The following EDN1 variants were observed in gnomAD, a reference collection of about 807,000 sequenced individuals.
EDN1 encodes the protein endothelin-1.
In EDN1, 11 loss-of-function variants were observed where a neutral mutation model predicts 21.7. That is an observed-to-expected ratio of 0.51 (90% CI 0.32 to 0.84). The LOEUF (loss-of-function observed/expected upper bound fraction) is 0.84, where lower values mean the gene tolerates loss of function less well. Ranked by LOEUF, EDN1 falls within the 40% of genes least tolerant of loss-of-function variation. The pLI is 0.03. For synonymous variants in EDN1, 85 were observed against 90.6 expected (o/e 0.94, Z 0.35); for missense variants, 244 against 262.3 (o/e 0.93, Z 0.48).
chr6:12,244,683 T>C, the EDN1 span, among the ~76,000 whole-genome samples: 1 of 152,230 alleles, frequency 6.6e-6, no homozygotes, highest in African/African-American at 2.4e-5. Context: ...GAGTATACTG[T>C]AAGTGCTTCA....
the EDN1 span, among the ~76,000 whole-genome samples, chr6:12,278,514 G>A: frequency 1.3e-5 from 2 of 152,240 alleles, no homozygotes; most frequent in South Asian, 4.2e-4. Flanking sequence ...TTCTTAGTCT[G>A]AGCCATATAT....
At chr6:12,253,617 A>G in the EDN1 span, among the ~76,000 whole-genome samples, 4 of 152,238 alleles carry the variant, frequency 2.6e-5, no homozygotes, top group Non-Finnish European at 5.9e-5. Context: ...CACAAAATGT[A>G]GGGTAGAAAA....
At chr6:12,291,127 T>A (rs1381730614) in intron 1 of EDN1, among the ~76,000 whole-genome samples, 1 of 152,176 alleles carries the variant, frequency 6.6e-6, no homozygotes, top group Non-Finnish European at 1.5e-5. Context: ...GCATTCCAGC[T>A]TGAAGCCAAG....
the EDN1 span, among the ~76,000 whole-genome samples, chr6:12,242,698 A>T: frequency 6.6e-6 from 1 of 151,722 alleles, no homozygotes; most frequent in African/African-American, 2.4e-5. Context: ...GTGGCTTTGG[A>T]TCGCTGCTCA....
At chr6:12,231,048 A>G in the EDN1 span, among the ~76,000 whole-genome samples, 1 of 152,200 alleles carries the variant, frequency 6.6e-6, no homozygotes, top group Non-Finnish European at 1.5e-5. Flanking sequence ...ACTTGCCATA[A>G]TATACAAGCC....
the EDN1 span, among the ~76,000 whole-genome samples, chr6:12,233,299 G>A: frequency 6.6e-6 from 1 of 152,110 alleles, no homozygotes; most frequent in Non-Finnish European, 1.5e-5. Context: ...ATCCCCTAAA[G>A]CCTAAATGTT....
the EDN1 span, among the ~76,000 whole-genome samples, chr6:12,233,067 C>A: frequency 1.3e-4 from 20 of 152,212 alleles, no homozygotes. Flanking sequence ...GAAAACCCAG[C>A]AGATTTAAGT....
At chr6:12,289,444 G>T (rs1470259353), upstream of EDN1, among the ~76,000 whole-genome samples, 5 of 151,952 alleles carry the variant, frequency 3.3e-5, no homozygotes, top group Admixed American at 1.3e-4. Context: ...GCCAGGTTGC[G>T]TTTTTTTCTG....
chr6:12,261,957 T>C, the EDN1 span, among the ~76,000 whole-genome samples: 1 of 152,152 alleles, frequency 6.6e-6, no homozygotes, highest in Non-Finnish European at 1.5e-5. Flanking sequence ...GGAGAAATTC[T>C]GGGAGTTGAG....
the EDN1 span, among the ~76,000 whole-genome samples, chr6:12,240,365 T>G: frequency 6.6e-5 from 10 of 152,206 alleles, no homozygotes; most frequent in Non-Finnish European, 1.0e-4. Context: ...ACTCTCATGA[T>G]TTTGTTTTCT....
chr6:12,262,273 G>T, the EDN1 span, among the ~76,000 whole-genome samples: 1 of 152,170 alleles, frequency 6.6e-6, no homozygotes, highest in African/African-American at 2.4e-5. Context: ...AGAGGCTTTG[G>T]GGTACACCAA....
Position 12,290,380 on chromosome 6 carries a change from C to A in EDN1, c.-250C>A, listed in dbSNP as rs1762639528. ...CAAGTCAGACGCGCCTCTGCATCTG[C>A]GCCAGGCGAACGGGTCCTGCGCCTC... On this transcript the variant is annotated 5_prime_UTR_variant, in exon 1 of 5. Transcript: ENST00000379375. The A allele has an allele frequency of 1.8e-6, 1 of 549,448 alleles. No individual in the cohort carries two copies. The highest frequency in any genetic ancestry group is 1.9e-5 in the African/African-American group (1 of 52,654). The allele number at this position is 549,448 out of a possible 1,614,324, so 34.0% of individuals were successfully genotyped here.
chr6:12,246,580 G>A, the EDN1 span, among the ~76,000 whole-genome samples: 1 of 151,980 alleles, frequency 6.6e-6, no homozygotes, highest in Non-Finnish European at 1.5e-5. Context: ...TCAAGGCTGT[G>A]TATTAGAATT....
chr6:12,249,368 G>C, the EDN1 span, among the ~76,000 whole-genome samples: 39 of 152,190 alleles, frequency 2.6e-4, no homozygotes, highest in African/African-American at 9.1e-4. Flanking sequence ...ACATTATATG[G>C]ATTGTAAAAT....
At position 12,294,379 on chromosome 6, in the gene EDN1, T is replaced by C; in HGVS notation, c.508T>C (p.Ser170Pro). ...LVRGRKIRRS[S>P]EEHLRQTRSE... is the part of the protein sequence containing the mutation. ...GAGAGGAAGAAAAATCAGAAGAAGT[T>C]CAGAGGAACACCTAAGACAAACCAG... The change falls in exon 4 of 5, where the codon TCA (serine) becomes CCA (proline). Residue 170 changes from serine to proline, a missense_variant. Coordinates refer to ENST00000379375, the MANE Select transcript of EDN1 (RefSeq NM_001955.5). 6.2e-7 allele frequency: 1 copy of C among 1,614,054 alleles called. No individual in the cohort carries two copies. Among genetic ancestry groups the C allele is most frequent in the Non-Finnish European group, 8.5e-7 (1 of 1,179,998 alleles).
intron 1 of EDN1, among the ~76,000 whole-genome samples, chr6:12,290,971 TA>T (rs1390973713): frequency 6.6e-6 from 1 of 152,192 alleles, no homozygotes; most frequent in Non-Finnish European, 1.5e-5. Context: ...CCTTGGCTTT[TA>T]AAAAATGAGA....
chr6:12,285,699 T>C (rs990509779), upstream of EDN1, among the ~76,000 whole-genome samples: 6 of 152,100 alleles, frequency 3.9e-5, no homozygotes, highest in Non-Finnish European at 7.3e-5. Flanking sequence ...GCCTCTTGAG[T>C]AGCTGGGATT....
the EDN1 span, among the ~76,000 whole-genome samples, chr6:12,233,075 A>T: frequency 6.6e-6 from 1 of 152,166 alleles, no homozygotes; most frequent in Non-Finnish European, 1.5e-5. Context: ...AGCAGATTTA[A>T]GTTTTCTCTT....
At chr6:12,231,549 C>T in the EDN1 span, among the ~76,000 whole-genome samples, 14 of 152,102 alleles carry the variant, frequency 9.2e-5, no homozygotes, top group African/African-American at 2.2e-4. Context: ...CTTCCAGGGT[C>T]GTGCTCTGAA....
Sources: allele counts gnomAD v4.1 joint callset (sites outside exome capture counted in the v4.1 genomes callset), GRCh38; gene constraint gnomAD v4.1.1; transcripts MANE v1.5; gene names NCBI Gene and HGNC (gene_info 2026-07-23, HGNC 2026-07-21).